Variants in FGF12 observed in about 807,000 individuals in gnomAD.
The protein encoded by FGF12 is fibroblast growth factor 12.
A neutral mutation model predicts 23.6 loss-of-function variants in FGF12; 14 were observed. The observed-to-expected ratio is 0.59, with a 90% CI of 0.39 to 0.93. FGF12 has a LOEUF of 0.93. Ranked by LOEUF, FGF12 falls within the 40% of genes least tolerant of loss-of-function variation. FGF12 has a pLI of 0.00. For synonymous variants in FGF12, 62 were observed against 77.3 expected (o/e 0.80, Z 1.04); for missense variants, 175 against 217.8 (o/e 0.80, Z 1.24).
intron 4 of FGF12, among the ~76,000 whole-genome samples, chr3:192,297,144 T>G (rs1186364887): frequency 1.3e-5 from 2 of 152,148 alleles, no homozygotes; most frequent in Admixed American, 1.3e-4. Context: ...GTATGTCTGC[T>G]CAAAAAAATA....
intron 2 of FGF12, among the ~76,000 whole-genome samples, chr3:192,499,802 C>A (rs1280361615): frequency 6.6e-6 from 1 of 151,712 alleles, no homozygotes; most frequent in African/African-American, 2.4e-5. Context: ...CCCGCCTCAG[C>A]CTCCCAAAGT....
In FGF12 at chr3:192,624,075, C is replaced by CTTTT. The variant is rs1422574459; in HGVS notation, c.13+103102_13+103105dup. ...TTATGAGGCTCCGTGGTTTAAGTTC[C>CTTTT]TTTTTTCCATATTTTCTTTAGAGTT... On this transcript the variant is annotated intron_variant, in intron 2 of 5. Transcript: ENST00000445105. Among the ~76,000 whole-genome samples, 58 of 152,094 alleles carry CTTTT rather than the reference C, an allele frequency of 3.8e-4. No homozygotes were observed. The South Asian group carries it at 0.01, about 27-fold the overall frequency.
Position 192,172,788 on chromosome 3 carries a change from A to C in FGF12, c.229-2132T>G, listed in dbSNP as rs189470314. ...CACACAATCCAAAAATTCCACTTTT[A>C]GGTATAGTTCTAAGATTAATGAAAA... is the stretch of plus-strand genomic sequence containing the variant. On this transcript the variant is annotated intron_variant, in intron 4 of 5. Transcript: ENST00000445105. Among the ~76,000 whole-genome samples, 46 of 151,038 alleles carry C rather than the reference A, an allele frequency of 3.0e-4. 3 individuals carry two copies. The highest frequency in any genetic ancestry group is 6.6e-4 in the Admixed American group (10 of 15,056).
chr3:192,692,510 G>A (rs1239610199), intron 2 of FGF12, among the ~76,000 whole-genome samples: 2 of 152,084 alleles, frequency 1.3e-5, no homozygotes, highest in Non-Finnish European at 2.9e-5. Context: ...TTCAAGACCA[G>A]CCTGGACAAT....
chr3:192,154,652 G>C lies in FGF12; in HGVS notation c.428-10525C>G, dbSNP rs28863904. Among the ~76,000 whole-genome samples the C allele has an allele frequency of 7.0e-3, 1,031 of 147,164 alleles. 17 individuals carry two copies. The highest frequency in any genetic ancestry group is 0.025 in the African/African-American group (985 of 39,762). The stretch of plus-strand genomic sequence containing the variant: ...GGGGTCAGGGGTCAGGGACCCACTT[G>C]AGGAGGTAGTCTGCCCGTTCTCAGA... On this transcript the variant is annotated intron_variant, in intron 5 of 5. Transcript: ENST00000445105.
intron 4 of FGF12, among the ~76,000 whole-genome samples, chr3:192,212,305 CTG>C (rs1231460039): frequency 6.6e-6 from 1 of 152,110 alleles, no homozygotes; most frequent in Non-Finnish European, 1.5e-5. Flanking sequence ...AATACGAACA[CTG>C]TCATTTTGCA....
chr3:192,613,645 G>T (rs892671412), intron 2 of FGF12, among the ~76,000 whole-genome samples: 17 of 151,694 alleles, frequency 1.1e-4, no homozygotes, highest in African/African-American at 3.6e-4. Flanking sequence ...GTCTTGGCAT[G>T]TTCAAAGAAA....
chr3:192,350,094 A>T (rs550189372), intron 3 of FGF12, among the ~76,000 whole-genome samples: 3 of 152,290 alleles, frequency 2.0e-5, no homozygotes, highest in Non-Finnish European at 4.4e-5. Flanking sequence ...CTCATTATTA[A>T]GAATTTATTA....
intron 2 of FGF12, among the ~76,000 whole-genome samples, chr3:192,509,733 A>G (rs1281528501): frequency 2.6e-5 from 4 of 152,188 alleles, no homozygotes; most frequent in Admixed American, 2.6e-4. Context: ...AAAACCTCAT[A>G]ATTTGGTATG....
chr3:192,470,435 C>T (rs1296267229), intron 2 of FGF12, among the ~76,000 whole-genome samples: 1 of 152,200 alleles, frequency 6.6e-6, no homozygotes, highest in East Asian at 1.9e-4. Flanking sequence ...TCTGCCTAGG[C>T]TGTAGTGCAA....
At chr3:192,240,122 C>T (rs1164420679) in intron 4 of FGF12, among the ~76,000 whole-genome samples, 1 of 152,114 alleles carries the variant, frequency 6.6e-6, no homozygotes, top group African/African-American at 2.4e-5. Context: ...TATGGTAATC[C>T]ATTAGTATGC....
chr3:192,305,079 G>A (rs2108663482), intron 4 of FGF12, among the ~76,000 whole-genome samples: 1 of 151,484 alleles, frequency 6.6e-6, no homozygotes, highest in South Asian at 2.1e-4. Context: ...GAGGAAGGAG[G>A]GAAATAAGGA....
intron 4 of FGF12, among the ~76,000 whole-genome samples, chr3:192,315,474 T>A (rs1201430880): frequency 6.6e-6 from 1 of 152,190 alleles, no homozygotes; most frequent in Non-Finnish European, 1.5e-5. Context: ...CTGAAGGTTA[T>A]GAAAGTCCTG....
chr3:192,362,527 C>T (rs1240519961), intron 2 of FGF12, among the ~76,000 whole-genome samples: 2 of 152,112 alleles, frequency 1.3e-5, no homozygotes, highest in Admixed American at 6.6e-5. Flanking sequence ...TCTCTGTGTG[C>T]CTCTGCCTTT....
chr3:192,635,511 A>G (rs1715544945), intron 2 of FGF12, among the ~76,000 whole-genome samples: 1 of 152,216 alleles, frequency 6.6e-6, no homozygotes, highest in Non-Finnish European at 1.5e-5. Context: ...ACTTTACAAT[A>G]CTTAATAACT....
chr3:192,447,594 T>G (rs1418845408), intron 2 of FGF12, among the ~76,000 whole-genome samples: 1 of 152,156 alleles, frequency 6.6e-6, no homozygotes, highest in Non-Finnish European at 1.5e-5. Flanking sequence ...ACTTGGACTC[T>G]AATCTGTTTC....
At chr3:192,480,962 T>C (rs951828453) in intron 2 of FGF12, among the ~76,000 whole-genome samples, 1 of 152,178 alleles carries the variant, frequency 6.6e-6, no homozygotes, top group African/African-American at 2.4e-5. Flanking sequence ...CAAAGAAGGC[T>C]CCATTATAAT....
At chr3:192,711,627 T>G (rs1718684021) in intron 2 of FGF12, among the ~76,000 whole-genome samples, 1 of 152,214 alleles carries the variant, frequency 6.6e-6, no homozygotes, top group Non-Finnish European at 1.5e-5. Context: ...CTTGGGATGC[T>G]GTTGATCTAT....
chr3:192,678,109 A>C (rs1717392401), intron 2 of FGF12, among the ~76,000 whole-genome samples: 1 of 152,310 alleles, frequency 6.6e-6, no homozygotes, highest in South Asian at 2.1e-4. Flanking sequence ...AAAATGACTA[A>C]CCTCTAGTTA....
Sources: gnomAD v4.1 joint callset for allele counts (sites outside exome capture counted in the v4.1 genomes callset) on GRCh38, gnomAD v4.1.1 for gene constraint, MANE v1.5 for transcripts, NCBI Gene and HGNC (gene_info 2026-07-23, HGNC 2026-07-21) for gene names.